The following ENPP2 variants were observed in gnomAD, a reference collection of about 807,000 sequenced individuals.
ENPP2 encodes autotaxin.
ENPP2 carries 51 observed loss-of-function variants against 120.2 expected under a neutral mutation model. That is an observed-to-expected ratio of 0.42 (90% CI 0.34 to 0.54). The LOEUF is 0.54. ENPP2 is among the 20% of genes least tolerant of loss of function. The pLI, the probability that ENPP2 is intolerant of heterozygous loss-of-function variation, is 0.04. For synonymous variants in ENPP2, 365 were observed against 366.4 expected (o/e 1.00, Z 0.04); for missense variants, 920 against 1,066.5 (o/e 0.86, Z 1.91).
At position 119,647,580 on chromosome 8, in the gene ENPP2, A is replaced by C. The variant is rs116222301; in HGVS notation, c.22-9053T>G. Among the ~76,000 whole-genome samples, 1,475 of 152,318 alleles carry C rather than the reference A, an allele frequency of 9.7e-3. 24 individuals carry two copies. The highest frequency in any genetic ancestry group is 0.034 in the African/African-American group (1,399 of 41,556). The stretch of plus-strand genomic sequence containing the variant: ...TTTTTAACATTAAAACTTTGTTTCC[A>C]AATAAAATCTTAAAATGAATACTTT... On this transcript the variant is annotated intron_variant, in intron 1 of 25. Coordinates refer to the ENPP2 transcript ENST00000427067.
At chr8:119,605,812 G>C (rs1379624826) in intron 9 of ENPP2, among the ~76,000 whole-genome samples, 1 of 152,070 alleles carries the variant, frequency 6.6e-6, no homozygotes, top group Non-Finnish European at 1.5e-5. Context: ...TGGATTTGTT[G>C]AGAGATTAAA....
At chr8:119,606,915 A>G (rs1814758446) in intron 9 of ENPP2, among the ~76,000 whole-genome samples, 1 of 151,866 alleles carries the variant, frequency 6.6e-6, no homozygotes, top group South Asian at 2.1e-4. Flanking sequence ...GTGAAAGTTG[A>G]AACAGATTCC....
At chr8:119,659,007 C>T (rs1395760851) in intron 1 of ENPP2, among the ~76,000 whole-genome samples, 1 of 152,084 alleles carries the variant, frequency 6.6e-6, no homozygotes, top group African/African-American at 2.4e-5. Context: ...CCCTCCCCAA[C>T]CTAGGCACCC....
chr8:119,609,899 CCTGCA>C (rs781074346), intron 8 of ENPP2, among the ~76,000 whole-genome samples: 11 of 152,052 alleles, frequency 7.2e-5, no homozygotes, highest in South Asian at 6.2e-4. Flanking sequence ...CAAATAATGA[CCTGCA>C]CTTTCAAAAA....
chr8:119,668,577 T>A (rs1427200628), intron 1 of ENPP2, among the ~76,000 whole-genome samples: 1 of 151,768 alleles, frequency 6.6e-6, no homozygotes, highest in Non-Finnish European at 1.5e-5. Flanking sequence ...TACAGGCACT[T>A]GCCACCATGC....
chr8:119,593,942 C>T (rs982947228), intron 11 of ENPP2, 82 bp from the exon 12 acceptor site: 16 of 833,426 alleles, frequency 1.9e-5, no homozygotes, highest in Non-Finnish European at 2.9e-5. Flanking sequence ...ACCCCTAGAA[C>T]ATTTTGGAAA....
chr8:119,629,669 A>C (rs1475996765), intron 2 of ENPP2, among the ~76,000 whole-genome samples: 5 of 152,218 alleles, frequency 3.3e-5, no homozygotes, highest in African/African-American at 7.2e-5. Context: ...AGTTTAGAAA[A>C]TAATATTCAT....
intron 2 of ENPP2, among the ~76,000 whole-genome samples, chr8:119,628,272 A>C (rs985243531): frequency 6.6e-6 from 1 of 152,198 alleles, no homozygotes; most frequent in Non-Finnish European, 1.5e-5. Flanking sequence ...GAAAATATAA[A>C]CAGCCTCATA....
chr8:119,567,840 A>T (rs1484315946), intron 22 of ENPP2, among the ~76,000 whole-genome samples: 2 of 152,226 alleles, frequency 1.3e-5, no homozygotes, highest in African/African-American at 4.8e-5. Context: ...TAACAACCAT[A>T]TTAGAAGAAA....
chr8:119,561,654 C>A (rs1249531518), intron 24 of ENPP2, among the ~76,000 whole-genome samples: 2 of 152,174 alleles, frequency 1.3e-5, no homozygotes, highest in Non-Finnish European at 2.9e-5. Context: ...TGCATCCTAG[C>A]TGTCTCCCCA....
In ENPP2 at chr8:119,597,888, A is replaced by G. The variant is rs554632343; in HGVS notation, c.972+2790T>C. Among the ~76,000 whole-genome samples, 23 of 152,328 alleles carry G rather than the reference A, an allele frequency of 1.5e-4. No individual in the cohort carries two copies. In the East Asian group the frequency reaches 4.0e-3, roughly 27 times the overall value. On this transcript the variant is annotated intron_variant, in intron 11 of 24. Transcript: ENST00000075322. ...TCAAATATTTAGCAAATAAAGCACAAATTTCAACTGAATTCATCTTATTGT... is the reference window on the plus strand; with the variant it reads ...TCAAATATTTAGCAAATAAAGCACAGATTTCAACTGAATTCATCTTATTGT...
intron 1 of ENPP2, among the ~76,000 whole-genome samples, chr8:119,652,564 T>G (rs1030590538): frequency 8.5e-5 from 13 of 152,216 alleles, no homozygotes; most frequent in African/African-American, 2.7e-4. Flanking sequence ...GAGATCCCTC[T>G]TCCTGTCCCT....
chr8:119,569,612 AAT>A (rs1267648548), intron 20 of ENPP2, among the ~76,000 whole-genome samples: 3 of 152,090 alleles, frequency 2.0e-5, no homozygotes, highest in African/African-American at 4.8e-5. Flanking sequence ...TAAGAAAAAC[AAT>A]ATAGAAAGCA....
chr8:119,565,002 T>C (rs1335275082), intron 22 of ENPP2, 47 bp from the exon 23 acceptor site: 1 of 1,577,380 alleles, frequency 6.3e-7, no homozygotes, highest in Non-Finnish European at 8.7e-7. Context: ...TGAAGAAAAC[T>C]CCTTACTCTA....
At chr8:119,577,484 A>G (rs914218392) in intron 19 of ENPP2, among the ~76,000 whole-genome samples, 2 of 152,254 alleles carry the variant, frequency 1.3e-5, no homozygotes, top group African/African-American at 4.8e-5. Context: ...GAAATGACCA[A>G]GATAGAGCCC....
chr8:119,583,759 C>T lies in ENPP2; in HGVS notation c.1501G>A (p.Val501Met). The change falls in exon 17 of 25, where the codon GTG becomes ATG. Residue 501 changes from valine to methionine, a missense_variant. Val to Met is a conservative substitution (Grantham distance 21). Coordinates refer to ENST00000075322, the MANE Select transcript of ENPP2 (RefSeq NM_001040092.3). ...YGSTFKYKTK[V>M]PPFENIELYN... is the part of the protein sequence containing the mutation. ...AGTTCAATGTTTTCAAATGGAGGCA[C>T]TTTAGTCTTGTACTTAAATGTTGAG... is the stretch of plus-strand genomic sequence containing the variant. The T allele has an allele frequency of 6.2e-7, 1 of 1,603,026 alleles. No homozygotes were observed. Among genetic ancestry groups the T allele is most frequent in the Non-Finnish European group, 8.5e-7 (1 of 1,170,868 alleles).
upstream of ENPP2, among the ~76,000 whole-genome samples, chr8:119,643,750 T>C (rs550668692): frequency 2.0e-5 from 3 of 152,280 alleles, no homozygotes; most frequent in African/African-American, 7.2e-5. Flanking sequence ...AAATTACAAC[T>C]GTGGAAAATG....
chr8:119,585,662 A>G (rs1813055084), intron 15 of ENPP2, among the ~76,000 whole-genome samples: 1 of 152,240 alleles, frequency 6.6e-6, no homozygotes, highest in South Asian at 2.1e-4. Flanking sequence ...AGCAAGGAAC[A>G]TTCTCTTCAA....
intron 4 of ENPP2, 147 bp from the exon 5 acceptor site, chr8:119,619,451 G>A (rs1317822726): frequency 6.6e-6 from 4 of 602,860 alleles, no homozygotes; most frequent in Non-Finnish European, 8.7e-6. Context: ...AAAAAATCTA[G>A]TGTCTGGTTT....
Sources: allele counts gnomAD v4.1 joint callset (sites outside exome capture counted in the v4.1 genomes callset), GRCh38; gene constraint gnomAD v4.1.1; transcripts MANE v1.5; gene names NCBI Gene and HGNC (gene_info 2026-07-23, HGNC 2026-07-21).